Variants in HPSE2 observed in about 807,000 individuals in gnomAD.
The protein encoded by HPSE2 is heparanase 2 (inactive).
A neutral mutation model predicts 60.5 loss-of-function variants in HPSE2; 38 were observed. The observed-to-expected ratio is 0.63, with a 90% CI of 0.48 to 0.82. The LOEUF (loss-of-function observed/expected upper bound fraction) is 0.82. HPSE2 is among the 40% of genes least tolerant of loss of function. The pLI is 0.00. For missense variants in HPSE2, 713 were observed against 740.4 expected (o/e 0.96, Z 0.43); for synonymous variants, 295 against 293.2 (o/e 1.01, Z -0.06).
At chr10:98,468,531 T>A (rs1940648579) in intron 11 of HPSE2, among the ~76,000 whole-genome samples, 1 of 152,130 alleles carries the variant, frequency 6.6e-6, no homozygotes, top group Admixed American at 6.5e-5. Context: ...CCTCACCTGA[T>A]AACAAGCTGG....
In HPSE2 at chr10:98,938,248, T is replaced by C. The variant is rs527437775; in HGVS notation, c.611-194192A>G. On this transcript the variant is annotated intron_variant, in intron 3 of 11. Transcript: ENST00000370552. ...AACAAAGCTGGACGGAGAATGACTT[T>C]GACGAGTTGAGAGAAGAAGGCTTCA... 1.4e-4 allele frequency among the ~76,000 whole-genome samples: 21 copies of C among 144,992 alleles called. No homozygotes were observed. In the East Asian group the frequency reaches 2.7e-3, roughly 19 times the overall value.
At chr10:98,814,979 T>C (rs1951252092) in intron 3 of HPSE2, among the ~76,000 whole-genome samples, 1 of 152,180 alleles carries the variant, frequency 6.6e-6, no homozygotes, top group African/African-American at 2.4e-5. Flanking sequence ...AAAACAATTT[T>C]AAAAATCAGT....
chr10:99,190,772 G>A (rs187233716), intron 2 of HPSE2, among the ~76,000 whole-genome samples: 13 of 152,308 alleles, frequency 8.5e-5, no homozygotes, highest in African/African-American at 3.1e-4. Flanking sequence ...AAAAAAATCA[G>A]CTTGGGTACC....
chr10:99,075,023 C>T (rs1174670597), intron 3 of HPSE2, among the ~76,000 whole-genome samples: 1 of 151,980 alleles, frequency 6.6e-6, no homozygotes, highest in Non-Finnish European at 1.5e-5. Flanking sequence ...TTGGTCTCTT[C>T]TATTCTCTAT....
At chr10:98,894,310 A>C (rs1953421525) in intron 3 of HPSE2, among the ~76,000 whole-genome samples, 1 of 152,212 alleles carries the variant, frequency 6.6e-6, no homozygotes, top group Non-Finnish European at 1.5e-5. Context: ...AGAATATTTC[A>C]GATATTGAAA....
Position 98,592,476 on chromosome 10 carries a change from C to T in HPSE2, c.1320+22428G>A, listed in dbSNP as rs112609488. Among the ~76,000 whole-genome samples, 665 of 152,304 alleles carry T rather than the reference C, an allele frequency of 4.4e-3. 3 individuals are homozygous for T. Among genetic ancestry groups the T allele is most frequent in the African/African-American group, 0.015 (632 of 41,566 alleles). On this transcript the variant is annotated intron_variant, in intron 9 of 11. Transcript: ENST00000370552. ...TGGAAAATATTTTCAAGCTAAATCT[C>T]ATTTTCTTATTTCCTGTCCATATTT... is the stretch of plus-strand genomic sequence containing the variant.
chr10:99,313,922 G>A, the HPSE2 span, among the ~76,000 whole-genome samples: 1 of 151,924 alleles, frequency 6.6e-6, no homozygotes, highest in Non-Finnish European at 1.5e-5. Context: ...TTTTAAAGGT[G>A]TTCTATTGTA....
intron 10 of HPSE2, among the ~76,000 whole-genome samples, chr10:98,489,057 T>C (rs1461673525): frequency 3.3e-5 from 5 of 152,188 alleles, no homozygotes; most frequent in African/African-American, 1.2e-4. Flanking sequence ...CTCCCCTTGA[T>C]CAGTTCCTGA....
chr10:99,150,218 C>A (rs971855862), intron 2 of HPSE2, among the ~76,000 whole-genome samples: 2 of 152,112 alleles, frequency 1.3e-5, no homozygotes, highest in African/African-American at 4.8e-5. Flanking sequence ...TATTTTTGTT[C>A]TTTATTCTTT....
At chr10:99,149,673 G>A (rs1020201743) in intron 2 of HPSE2, among the ~76,000 whole-genome samples, 2 of 152,102 alleles carry the variant, frequency 1.3e-5, no homozygotes, top group African/African-American at 4.8e-5. Context: ...AGTTATTATT[G>A]GAGGATAGTA....
At chr10:98,613,260 T>C (rs996838535) in intron 9 of HPSE2, among the ~76,000 whole-genome samples, 1 of 152,234 alleles carries the variant, frequency 6.6e-6, no homozygotes, top group African/African-American at 2.4e-5. Context: ...ATTTCATAGA[T>C]ACTTTTCTAA....
intron 3 of HPSE2, among the ~76,000 whole-genome samples, chr10:99,050,315 C>G (rs990599531): frequency 2.0e-5 from 3 of 151,338 alleles, no homozygotes; most frequent in Non-Finnish European, 2.9e-5. Flanking sequence ...AAAAAAAAAC[C>G]CCTAAAACTT....
At chr10:98,859,939 A>G (rs1952412897) in intron 3 of HPSE2, among the ~76,000 whole-genome samples, 1 of 152,226 alleles carries the variant, frequency 6.6e-6, no homozygotes, top group Non-Finnish European at 1.5e-5. Flanking sequence ...TCATATGCCT[A>G]TGATTATAAT....
intron 11 of HPSE2, among the ~76,000 whole-genome samples, chr10:98,470,347 A>C (rs1244523897): frequency 6.6e-6 from 1 of 152,126 alleles, no homozygotes; most frequent in Non-Finnish European, 1.5e-5. Context: ...GGTGACTCTG[A>C]ATCATTGTTG....
intron 2 of HPSE2, among the ~76,000 whole-genome samples, chr10:99,161,284 G>A (rs1024097983): frequency 1.3e-5 from 2 of 150,616 alleles, no homozygotes; most frequent in Non-Finnish European, 3.0e-5. Context: ...AGCCAAAACT[G>A]GCAACAGCCC....
chr10:98,844,258 C>T (rs78418522), intron 3 of HPSE2, among the ~76,000 whole-genome samples: 195 of 152,224 alleles, frequency 1.3e-3, no homozygotes, highest in East Asian at 0.013. Flanking sequence ...TGTGCTTTGT[C>T]GGAAGGCATC....
At chr10:98,895,658 C>A (rs1953466139) in intron 3 of HPSE2, among the ~76,000 whole-genome samples, 1 of 151,754 alleles carries the variant, frequency 6.6e-6, no homozygotes, top group Non-Finnish European at 1.5e-5. Context: ...CGGCACTATT[C>A]ACAATAGCAA....
intron 2 of HPSE2, among the ~76,000 whole-genome samples, chr10:99,200,387 T>C (rs1016970654): frequency 1.3e-5 from 2 of 152,124 alleles, no homozygotes; most frequent in African/African-American, 4.8e-5. Context: ...CAAGTTTTTA[T>C]AGCTCTAAAA....
chr10:99,153,474 A>AC (rs1030778052), intron 2 of HPSE2, among the ~76,000 whole-genome samples: 20 of 151,878 alleles, frequency 1.3e-4, no homozygotes, highest in African/African-American at 4.6e-4. Context: ...ACTGGGAGGC[A>AC]CCCCCCAGCA....
Sources: gnomAD v4.1 joint callset for allele counts (sites outside exome capture counted in the v4.1 genomes callset) on GRCh38, gnomAD v4.1.1 for gene constraint, MANE v1.5 for transcripts, NCBI Gene and HGNC (gene_info 2026-07-23, HGNC 2026-07-21) for gene names.